PNCK: variants seen among roughly 807,000 people sequenced by gnomAD.
PNCK encodes the protein calcium/calmodulin-dependent protein kinase type 1B.
A neutral mutation model predicts 28.3 loss-of-function variants in PNCK; 21 were observed. The ratio of observed to expected loss-of-function variants is 0.74; its 90% CI spans 0.53 to 1.07. The LOEUF (loss-of-function observed/expected upper bound fraction) is 1.07, where lower values mean the gene tolerates loss of function less well. PNCK is among the 50% of genes least tolerant of loss of function. The pLI is 0.00. For missense variants in PNCK, 250 were observed against 298.3 expected (o/e 0.84, Z 1.19); for synonymous variants, 136 against 125.2 (o/e 1.09, Z -0.58).
chrX:153,685,038 C>T (rs2091412592), intron 1 of PNCK, among the ~76,000 whole-genome samples: 2 of 102,337 alleles, frequency 2.0e-5, no homozygotes, highest in East Asian at 3.2e-4. Flanking sequence ...GGGCTGGGCA[C>T]AGGTCGCAGG....
upstream of PNCK, among the ~76,000 whole-genome samples, chrX:153,675,987 C>CTTTTTTTTTTTTTT (rs59527995): frequency 3.1e-3 from 246 of 79,676 alleles, no homozygotes; most frequent in Non-Finnish European, 4.1e-3. Context: ...TTTTTCTTTT[C>CTTTTTTTTTTTTTT]TTTTTTTTTT....
At chrX:153,683,451 GTT>G (rs35149743) in intron 1 of PNCK, among the ~76,000 whole-genome samples, 4 of 97,013 alleles carry the variant, frequency 4.1e-5, no homozygotes, top group African/African-American at 1.5e-4. Context: ...TGAAGGCTAG[GTT>G]TTTTTTTTGA....
rs1557040479 is a variant in PNCK at position 153,672,812 on chromosome X, T to G, written c.69-115A>C. On this transcript the variant is annotated intron_variant, in intron 2 of 11. Coordinates refer to ENST00000340888, the MANE Select transcript of PNCK (RefSeq NM_001366977.1). ...GTGAAGGAGATGGGGAGGCCCTACC[T>G]GGCCCTGTGCCACCCCCCACCACCA... is the stretch of plus-strand genomic sequence containing the variant. 4 of 974,570 alleles carry G rather than the reference T, an allele frequency of 4.1e-6. No homozygotes were observed. In the South Asian group the frequency reaches 9.2e-5, roughly 22 times the overall value. The allele number at this position is 974,570 out of a possible 1,213,427, so 80.3% of individuals were successfully genotyped here. A position where few individuals can be genotyped will look rare whatever the true frequency, so the allele number is the denominator to read the frequency against.
intron 1 of PNCK, chrX:153,673,344 T>C: frequency 9.0e-7 from 1 of 1,107,550 alleles, no homozygotes; most frequent in South Asian, 2.0e-5. Context: ...ATGCTGCCTC[T>C]CTGCCTCCAC....
chrX:153,672,979 ACAC>A lies in PNCK; in HGVS notation c.68+27_68+29del, dbSNP rs782427117. 1.3e-5 allele frequency: 15 copies of A among 1,143,440 alleles called. No individual in the cohort carries two copies. In the African/African-American group the frequency reaches 2.7e-4, roughly 21 times the overall value. The allele number at this position is 1,143,440 out of a possible 1,213,427, so 94.2% of individuals were successfully genotyped here. A position where few individuals can be genotyped will look rare whatever the true frequency, so the allele number is the denominator to read the frequency against. On this transcript the variant is annotated intron_variant, in intron 2 of 11. Transcript: ENST00000340888. ...TACACACACACACACACACACACAC[ACAC>A]GATCACACACGCGCGCGCACACTCA...
chrX:153,679,908 C>T (rs967447661), upstream of PNCK, among the ~76,000 whole-genome samples: 1 of 109,932 alleles, frequency 9.1e-6, no homozygotes, highest in Non-Finnish European at 1.9e-5. Flanking sequence ...ACAAATTAGC[C>T]GGGTGTGGTG....
intron 1 of PNCK, among the ~76,000 whole-genome samples, chrX:153,681,282 G>A (rs1389914732): frequency 7.3e-5 from 8 of 109,620 alleles, no homozygotes; most frequent in African/African-American, 2.3e-4. Flanking sequence ...AGGTGGCCCC[G>A]CTCCCTAACT....
chrX:153,681,533 C>T (rs1350106457), intron 1 of PNCK, among the ~76,000 whole-genome samples: 1 of 111,524 alleles, frequency 9.0e-6, no homozygotes, highest in Non-Finnish European at 1.9e-5. Flanking sequence ...CAGTCCTCCT[C>T]GAAGCTGTTA....
chrX:153,679,464 A>C (rs2091384492), upstream of PNCK, among the ~76,000 whole-genome samples: 1 of 106,073 alleles, frequency 9.4e-6, no homozygotes, highest in African/African-American at 3.5e-5. Context: ...CTTATTTGCC[A>C]TTTGTATTTC....
In PNCK at chrX:153,669,903, G is replaced by C; in HGVS notation, c.*235C>G. The C allele has an allele frequency of 2.9e-6, 1 of 341,232 alleles. No individual in the cohort carries two copies. The highest frequency in any genetic ancestry group is 3.1e-5 in the Admixed American group (1 of 32,312). The allele number at this position is 341,232 out of a possible 1,213,427, so 28.1% of individuals were successfully genotyped here. A position where few individuals can be genotyped will look rare whatever the true frequency, so the allele number is the denominator to read the frequency against. ...CCCTCGGCTTTTGGCGGGGCGGGGGGGGCAGGGGCGGGAGAGGCAACAGGG... is the reference window on the plus strand; with the variant it reads ...CCCTCGGCTTTTGGCGGGGCGGGGGCGGCAGGGGCGGGAGAGGCAACAGGG... On this transcript the variant is annotated 3_prime_UTR_variant, in exon 12 of 12. Coordinates refer to ENST00000340888, the MANE Select transcript of PNCK (RefSeq NM_001366977.1).
intron 11 of PNCK, 112 bp downstream of exon 11, chrX:153,670,338 C>T: frequency 9.4e-7 from 1 of 1,065,392 alleles, no homozygotes; most frequent in South Asian, 2.1e-5. Context: ...TGCCTTCAGT[C>T]CTCTGGCCTG....
intron 1 of PNCK, among the ~76,000 whole-genome samples, chrX:153,684,863 T>G (rs781798593): frequency 2.1e-5 from 1 of 47,770 alleles, no homozygotes; most frequent in East Asian, 8.3e-4. Flanking sequence ...CTCTCCCTCC[T>G]CCTCAGCTCC....
chrX:153,671,909 T>C lies in PNCK; in HGVS notation c.385A>G (p.Ser129Gly). The change falls in exon 5 of 12, where the codon AGC becomes GGC. Residue 129 changes from serine (S) to glycine (G), a missense_variant. By Grantham distance (56) the Ser-to-Gly change is moderately conservative (BLOSUM62 0). Transcript: ENST00000340888. ...AGGTCCCGGTGCACGATCCCCAGGCTGTGCAGGTAGGAGACGGCGCCAAGG... is the reference window on the plus strand; with the variant it reads ...AGGTCCCGGTGCACGATCCCCAGGCCGTGCAGGTAGGAGACGGCGCCAAGG... The part of the protein sequence containing the change: ...QVLGAVSYLH[S>G]LGIVHRDLKP... The C allele has an allele frequency of 8.3e-7, 1 of 1,209,358 alleles. No individual in the cohort carries two copies. The highest frequency in any genetic ancestry group is 1.1e-6 in the Non-Finnish European group (1 of 895,039).
intron 1 of PNCK, among the ~76,000 whole-genome samples, chrX:153,684,916 C>T (rs1318087658): frequency 9.9e-6 from 1 of 101,461 alleles, no homozygotes; most frequent in Non-Finnish European, 2.0e-5. Context: ...AAAGGCTGCC[C>T]ACTCCCTGGG....
chrX:153,671,018 A>G (rs782003779), intron 8 of PNCK, 22 bp from the exon 9 acceptor site: 65 of 1,210,493 alleles, frequency 5.4e-5, no homozygotes, highest in Non-Finnish European at 6.8e-5. Flanking sequence ...AGGCTGGGTC[A>G]GCCTGTCAGG....
Position 153,673,067 on chromosome X carries a change from G to A in PNCK, c.10C>T (p.Leu4=). ...CTGATGTCCTCCGTGTGTTTCTTCA[G>A]CAGCAGCATGTCTGCAGGGGCAGGG... MLL[L]KKHTEDISSV... Residue 4 remains leucine (L), a synonymous_variant, in exon 2 of 12, where the codon CTG becomes TTG. Transcript: ENST00000340888. 8.4e-7 allele frequency: 1 copy of A among 1,196,324 alleles called. No individual in the cohort carries two copies. Among genetic ancestry groups the A allele is most frequent in the South Asian group, 1.8e-5 (1 of 55,315 alleles).
At chrX:153,673,699 C>T (rs1401100195) in intron 1 of PNCK, 81 bp downstream of exon 1, 7 of 561,346 alleles carry the variant, frequency 1.2e-5, no homozygotes, top group African/African-American at 7.6e-5. Flanking sequence ...GTGCTGCGGA[C>T]GCGCAAGGCT....
intron 1 of PNCK, among the ~76,000 whole-genome samples, chrX:153,680,197 T>G (rs2091389110): frequency 9.1e-6 from 1 of 109,696 alleles, no homozygotes; most frequent in Non-Finnish European, 1.9e-5. Flanking sequence ...CCTCCAAATC[T>G]CATGTTGAAC....
chrX:153,680,573 G>C (rs1463479820), intron 1 of PNCK, among the ~76,000 whole-genome samples: 16 of 110,042 alleles, frequency 1.5e-4, no homozygotes, highest in Non-Finnish European at 2.7e-4. Flanking sequence ...AGCAATGCAA[G>C]AACGGGCTCA....
Sources: gnomAD v4.1 joint callset for allele counts (sites outside exome capture counted in the v4.1 genomes callset) on GRCh38, gnomAD v4.1.1 for gene constraint, MANE v1.5 for transcripts, NCBI Gene and HGNC (gene_info 2026-07-23, HGNC 2026-07-21) for gene names.